The following GPC5 variants were observed in gnomAD, a reference collection of about 807,000 sequenced individuals.
GPC5 encodes glypican-5.
A neutral mutation model predicts 53.9 loss-of-function variants in GPC5; 47 were observed. The ratio of observed to expected loss-of-function variants is 0.87; its 90% CI spans 0.69 to 1.11. GPC5 has a LOEUF of 1.11. Ranked by LOEUF, GPC5 falls within the 50% of genes most tolerant of loss-of-function variation. The probability of loss-of-function intolerance (pLI) is 0.00; values close to 1 mark genes in which losing one functional copy is unlikely to be tolerated. For missense variants in GPC5, 748 were observed against 713.1 expected (o/e 1.05, Z -0.56); for synonymous variants, 286 against 263.3 (o/e 1.09, Z -0.84).
At chr13:91,958,445 A>T (rs1166373013) in intron 6 of GPC5, among the ~76,000 whole-genome samples, 1 of 152,030 alleles carries the variant, frequency 6.6e-6, no homozygotes, top group Admixed American at 6.6e-5. Flanking sequence ...GGACTTCTGC[A>T]CTCCATTCTC....
chr13:92,753,490 G>C (rs1302588456), intron 7 of GPC5, among the ~76,000 whole-genome samples: 1 of 152,240 alleles, frequency 6.6e-6, no homozygotes, highest in Non-Finnish European at 1.5e-5. Flanking sequence ...GAATGACTTT[G>C]ATGAGCTGAG....
chr13:91,489,612 C>T (rs1009786194), intron 2 of GPC5, among the ~76,000 whole-genome samples: 1 of 152,132 alleles, frequency 6.6e-6, no homozygotes, highest in Non-Finnish European at 1.5e-5. Context: ...ATTTTACAGG[C>T]TACTTCAACT....
At chr13:92,086,072 T>A (rs1375305618) in intron 6 of GPC5, among the ~76,000 whole-genome samples, 1 of 152,192 alleles carries the variant, frequency 6.6e-6, no homozygotes, top group East Asian at 1.9e-4. Context: ...CTCTCAGGAA[T>A]TCACACTGTG....
In GPC5 at chr13:91,617,268, G is replaced by T. The variant is rs75954367; in HGVS notation, c.326-75919G>T. Among the ~76,000 whole-genome samples, 1,215 of 152,244 alleles carry T rather than the reference G, an allele frequency of 8.0e-3. 16 individuals carry two copies. Among genetic ancestry groups the T allele is most frequent in the African/African-American group, 0.028 (1,166 of 41,562 alleles). On this transcript the variant is annotated intron_variant, in intron 2 of 7. Coordinates refer to ENST00000377067, the MANE Select transcript of GPC5 (RefSeq NM_004466.6). ...TATGTATGAGAGTGAAATGGAAGAA[G>T]CAATTTATTCTGCATAGGCTGGGGG...
chr13:91,675,443 T>G (rs2035360305), intron 2 of GPC5, among the ~76,000 whole-genome samples: 1 of 152,188 alleles, frequency 6.6e-6, no homozygotes, highest in Admixed American at 6.5e-5. Flanking sequence ...AAAAACCAAT[T>G]ATTACAAACC....
At chr13:92,162,186 T>C (rs1315368660) in intron 7 of GPC5, among the ~76,000 whole-genome samples, 3 of 151,960 alleles carry the variant, frequency 2.0e-5, no homozygotes, top group Non-Finnish European at 4.4e-5. Flanking sequence ...TTAATACAAA[T>C]TTTGCAATTC....
At chr13:92,192,985 G>A (rs920338964) in intron 7 of GPC5, among the ~76,000 whole-genome samples, 2 of 152,090 alleles carry the variant, frequency 1.3e-5, no homozygotes, top group Non-Finnish European at 2.9e-5. Flanking sequence ...GACCAGCCTG[G>A]CCAACATAGT....
Position 92,164,048 on chromosome 13 carries a change from C to A in GPC5, c.1561+19059C>A, listed in dbSNP as rs2139010188. On this transcript the variant is annotated intron_variant, in intron 7 of 7. Coordinates refer to ENST00000377067, the MANE Select transcript of GPC5 (RefSeq NM_004466.6). ...CTATCATGAGAAGAGCACAGGGGAA[C>A]TGCACCCATGATTCAGTTACCTCCC... 2.6e-5 allele frequency among the ~76,000 whole-genome samples: 4 copies of A among 152,248 alleles called. No individual in the cohort carries two copies. In the Middle Eastern group the frequency reaches 0.014, roughly 518 times the overall value.
chr13:92,720,074 T>G (rs540395225), intron 7 of GPC5: 26 of 152,318 alleles, frequency 1.7e-4, no homozygotes, highest in African/African-American at 6.3e-4. Context: ...TCCACAGGTG[T>G]CCTGGCTTAA....
chr13:91,678,355 A>C (rs2035430763), intron 2 of GPC5, among the ~76,000 whole-genome samples: 1 of 152,194 alleles, frequency 6.6e-6, no homozygotes, highest in Non-Finnish European at 1.5e-5. Context: ...ATTTGTCGAT[A>C]GTATACTTTA....
At chr13:92,486,747 A>T (rs1027983382) in intron 7 of GPC5, among the ~76,000 whole-genome samples, 2 of 152,256 alleles carry the variant, frequency 1.3e-5, no homozygotes, top group African/African-American at 4.8e-5. Flanking sequence ...TTAGATTTAA[A>T]GTTAATTAAA....
intron 6 of GPC5, among the ~76,000 whole-genome samples, chr13:92,116,865 A>C (rs1049823223): frequency 1.3e-5 from 2 of 152,056 alleles, no homozygotes; most frequent in Non-Finnish European, 2.9e-5. Flanking sequence ...AAATATGTTT[A>C]ATTTTTTGCT....
intron 5 of GPC5, among the ~76,000 whole-genome samples, chr13:91,874,067 A>G (rs1341455902): frequency 2.0e-5 from 3 of 152,182 alleles, no homozygotes; most frequent in Non-Finnish European, 4.4e-5. Context: ...TATGAGTTAA[A>G]TGAGACCAAA....
At chr13:92,363,518 C>G (rs1338320499) in intron 7 of GPC5, among the ~76,000 whole-genome samples, 1 of 151,716 alleles carries the variant, frequency 6.6e-6, no homozygotes, top group Non-Finnish European at 1.5e-5. Flanking sequence ...ATAGAGTTCT[C>G]TCTCCTATGA....
intron 7 of GPC5, among the ~76,000 whole-genome samples, chr13:92,690,606 G>C (rs1887353654): frequency 6.9e-6 from 1 of 145,090 alleles, no homozygotes; most frequent in South Asian, 2.3e-4. Context: ...TCTGTTGCTG[G>C]TGAGGAACTG....
intron 7 of GPC5, among the ~76,000 whole-genome samples, chr13:92,375,515 C>T (rs539347364): frequency 1.2e-3 from 176 of 152,166 alleles, no homozygotes; most frequent in Middle Eastern, 3.4e-3. Context: ...AAAATCCATC[C>T]GAAGGTGTTC....
intron 7 of GPC5, among the ~76,000 whole-genome samples, chr13:92,628,264 C>CTTTTT (rs71123419): frequency 0.014 from 623 of 45,274 alleles, 81 homozygotes; most frequent in Non-Finnish European, 0.019. Flanking sequence ...CTTTTTCTTT[C>CTTTTT]TTTTTTTTTT....
At chr13:91,514,632 A>AT (rs1435609509) in intron 2 of GPC5, among the ~76,000 whole-genome samples, 4 of 152,156 alleles carry the variant, frequency 2.6e-5, no homozygotes, top group African/African-American at 9.7e-5. Context: ...AGTAACTGAG[A>AT]TTTTATCACC....
intron 3 of GPC5, among the ~76,000 whole-genome samples, chr13:91,723,902 A>G (rs576747165): frequency 5.3e-4 from 81 of 152,288 alleles, no homozygotes; most frequent in Non-Finnish European, 8.8e-4. Context: ...GACCTGGCCC[A>G]ACTTACTACC....
Sources: gnomAD v4.1 joint callset for allele counts (sites outside exome capture counted in the v4.1 genomes callset) on GRCh38, gnomAD v4.1.1 for gene constraint, MANE v1.5 for transcripts, NCBI Gene and HGNC (gene_info 2026-07-23, HGNC 2026-07-21) for gene names.